The following BTNL8 variants were observed in gnomAD, a reference collection of about 807,000 sequenced individuals.
BTNL8 encodes the protein butyrophilin like 8, also known as butyrophilin-like protein 8.
BTNL8 carries 22 observed loss-of-function variants against 36.1 expected under a neutral mutation model. The ratio of observed to expected loss-of-function variants is 0.61; its 90% CI spans 0.44 to 0.87. The LOEUF (loss-of-function observed/expected upper bound fraction) is 0.87, where lower values mean the gene tolerates loss of function less well. Ranked by LOEUF, BTNL8 falls within the 40% of genes least tolerant of loss-of-function variation. The pLI is 0.00. For missense variants in BTNL8, 526 were observed against 616.9 expected (o/e 0.85, Z 1.56); for synonymous variants, 203 against 235.6 (o/e 0.86, Z 1.27).
At chr5:180,940,274 G>A (rs532338620) in intron 3 of BTNL8, among the ~76,000 whole-genome samples, 13 of 152,036 alleles carry the variant, frequency 8.6e-5, no homozygotes, top group African/African-American at 3.1e-4. Flanking sequence ...GGGAGGCAGA[G>A]GTTGCAGTGA....
intron 3 of BTNL8, among the ~76,000 whole-genome samples, chr5:180,920,326 CAAG>C (rs1757806087): frequency 6.6e-6 from 1 of 151,906 alleles, no homozygotes; most frequent in East Asian, 1.9e-4. Flanking sequence ...GTAAGATTAC[CAAG>C]AATACAAAAT....
chr5:180,917,755 G>T (rs1230215834), intron 3 of BTNL8, among the ~76,000 whole-genome samples: 2 of 151,938 alleles, frequency 1.3e-5, no homozygotes, highest in African/African-American at 2.4e-5. Context: ...TTAGCTGGGC[G>T]TGGTGGCGGG....
At chr5:180,923,406 A>T (rs1436180263) in intron 3 of BTNL8, among the ~76,000 whole-genome samples, 1 of 152,156 alleles carries the variant, frequency 6.6e-6, no homozygotes, top group Non-Finnish European at 1.5e-5. Flanking sequence ...TTCTCTATAG[A>T]TGTTAATAAA....
rs536713568 is a variant in BTNL8, at chr5:180,931,261, G to A, written c.674-16251G>A. ...TTGGGAAAACTGGCTAGCCATACGT[G>A]GAAAACTGAAACTGGACTCCTTCCT... On this transcript the variant is annotated intron_variant, in intron 3 of 7. Transcript: ENST00000340184. 2.2e-4 allele frequency among the ~76,000 whole-genome samples: 34 copies of A among 152,036 alleles called. No homozygotes were observed. The East Asian group carries it at 3.7e-3, about 16-fold the overall frequency.
chr5:180,920,854 C>CT (rs1203535579), intron 3 of BTNL8, among the ~76,000 whole-genome samples: 1 of 151,934 alleles, frequency 6.6e-6, no homozygotes, highest in Non-Finnish European at 1.5e-5. Context: ...CTCACTATCA[C>CT]TAACCATCAG....
rs1756863428 is a variant in BTNL8 at position 180,902,443 on chromosome 5, G to T, written c.49+3084G>T. 2.6e-6 allele frequency: 4 copies of T among 1,527,636 alleles called. No individual in the cohort carries two copies. The South Asian group carries it at 3.6e-5, about 14-fold the overall frequency. 94.6% of individuals were successfully genotyped at this position (1,527,636 alleles called of 1,614,324 possible). A position where few individuals can be genotyped will look rare whatever the true frequency, so the allele number is the denominator to read the frequency against. On this transcript the variant is annotated intron_variant, in intron 1 of 7. Transcript: ENST00000340184. ...AGTCACTGGCTTTAGAAATAGGATT[G>T]TGATGAATGTTTCCCCCTGATGCAC...
At chr5:180,941,914 T>TTTTTTTTTTTTTTTTTTTTTTTGAGACGG (rs1281454934) in intron 3 of BTNL8, among the ~76,000 whole-genome samples, 33 of 150,854 alleles carry the variant, frequency 2.2e-4, no homozygotes, top group African/African-American at 3.4e-4. Context: ...TTACTACTCT[T>TTTTTTTTTTTTTTTTTTTTTTTGAGACGG]ATTCAACAAA....
chr5:180,912,643 C>A (rs527866668), intron 3 of BTNL8, among the ~76,000 whole-genome samples: 25 of 152,228 alleles, frequency 1.6e-4, no homozygotes, highest in Non-Finnish European at 3.7e-4. Flanking sequence ...GTGGGAGGAT[C>A]ACTTGAGCCT....
intron 3 of BTNL8, among the ~76,000 whole-genome samples, chr5:180,918,777 G>A (rs1305955160): frequency 1.3e-5 from 2 of 152,204 alleles, no homozygotes; most frequent in South Asian, 2.1e-4. Flanking sequence ...GGGCTTCCAA[G>A]TAATAGGTAG....
Position 180,917,478 on chromosome 5 carries a change from C to G in BTNL8, c.673+5864C>G, listed in dbSNP as rs550176464. 9.3e-5 allele frequency among the ~76,000 whole-genome samples: 14 copies of G among 149,786 alleles called. No individual in the cohort carries two copies. In the East Asian group the frequency reaches 2.8e-3, roughly 30 times the overall value. On this transcript the variant is annotated intron_variant, in intron 3 of 7. Coordinates refer to ENST00000340184, the MANE Select transcript of BTNL8 (RefSeq NM_001040462.3). Reference sequence around the variant, plus strand: ...AATCATAGGCCAACAAACTGGATAACCTAGCAGAAACCAAAGACAAGGTTA... The same window carrying G: ...AATCATAGGCCAACAAACTGGATAAGCTAGCAGAAACCAAAGACAAGGTTA...
In BTNL8 at chr5:180,922,125, T is replaced by G. The variant is rs182093936; in HGVS notation, c.673+10511T>G. 2.8e-3 allele frequency among the ~76,000 whole-genome samples: 422 copies of G among 152,102 alleles called. 1 individual carries two copies. The highest frequency in any genetic ancestry group is 4.3e-3 in the Non-Finnish European group (294 of 67,948). On this transcript the variant is annotated intron_variant, in intron 3 of 7. Coordinates refer to ENST00000340184, the MANE Select transcript of BTNL8 (RefSeq NM_001040462.3). ...CTAGCTAGTGGTCTATATATTTTATTAATTTTTTTCAAAATCCAACTCTGG... is the reference window on the plus strand; with the variant it reads ...CTAGCTAGTGGTCTATATATTTTATGAATTTTTTTCAAAATCCAACTCTGG...
At chr5:180,916,927 A>C (rs1757654174) in intron 3 of BTNL8, among the ~76,000 whole-genome samples, 1 of 152,274 alleles carries the variant, frequency 6.6e-6, no homozygotes, top group Non-Finnish European at 1.5e-5. Flanking sequence ...TGAAATCATG[A>C]AAAGTGAAAC....
chr5:180,949,472 G>C lies in BTNL8; in HGVS notation c.862+207G>C. On this transcript the variant is annotated intron_variant, in intron 7 of 7. Transcript: ENST00000340184. ...TGGTCTAGAAGGGGAGAAGACAGGGGCTGGGTAAACGGGAGACGGGGGGGT... is the reference window on the plus strand; with the variant it reads ...TGGTCTAGAAGGGGAGAAGACAGGGCCTGGGTAAACGGGAGACGGGGGGGT... The C allele has an allele frequency of 2.4e-6, 2 of 832,324 alleles. 1 individual carries two copies. The allele number at this position is 832,324 out of a possible 1,614,324, so 51.6% of individuals were successfully genotyped here.
chr5:180,916,600 G>A (rs141210651), intron 3 of BTNL8, among the ~76,000 whole-genome samples: 132 of 152,164 alleles, frequency 8.7e-4, no homozygotes, highest in Middle Eastern at 3.4e-3. Context: ...AAAAAGAGCT[G>A]ACTCAAATAA....
In BTNL8 at chr5:180,947,634, G is replaced by A; in HGVS notation, c.787+9G>A. 1 of 1,614,204 alleles carries A rather than the reference G, an allele frequency of 6.2e-7. No homozygotes were observed. The highest frequency in any genetic ancestry group is 8.5e-7 in the Non-Finnish European group (1 of 1,180,036). ...CTTCTCCAAATTCCAGTGTAAGCGA[G>A]AGAGAGAAGCATGGGCCGGTGCCTT... On this transcript the variant is annotated intron_variant, in intron 4 of 7. Coordinates refer to ENST00000340184, the MANE Select transcript of BTNL8 (RefSeq NM_001040462.3).
Position 180,935,492 on chromosome 5 carries a change from C to G in BTNL8, c.674-12020C>G, listed in dbSNP as rs1435753464. Among the ~76,000 whole-genome samples, 3 of 152,224 alleles carry G rather than the reference C, an allele frequency of 2.0e-5. No individual in the cohort carries two copies. Among genetic ancestry groups the G allele is most frequent in the Admixed American group, 6.5e-5 (1 of 15,288 alleles). The stretch of plus-strand genomic sequence containing the variant: ...CACATGCATACCTGGCTGGGCACAA[C>G]AGTGCCCGGACTCGGCTACAACTTT... On this transcript the variant is annotated intron_variant, in intron 3 of 7. Coordinates refer to ENST00000340184, the MANE Select transcript of BTNL8 (RefSeq NM_001040462.3). The surrounding 1 kb of genome is among the most constrained non-coding windows in gnomAD (Gnocchi z 4.8).
At chr5:180,944,770 T>C (rs1759158697) in intron 3 of BTNL8, among the ~76,000 whole-genome samples, 1 of 152,176 alleles carries the variant, frequency 6.6e-6, no homozygotes, top group Non-Finnish European at 1.5e-5. Flanking sequence ...TTGTACCCTG[T>C]AAATATGAAC....
At chr5:180,940,964 G>C (rs778322650) in intron 3 of BTNL8, among the ~76,000 whole-genome samples, 19 of 152,032 alleles carry the variant, frequency 1.2e-4, no homozygotes, top group Non-Finnish European at 2.1e-4. Flanking sequence ...TTGGTGGCAT[G>C]CACCTGTAGC....
chr5:180,930,339 C>T (rs1177805869), intron 3 of BTNL8, among the ~76,000 whole-genome samples: 1 of 152,104 alleles, frequency 6.6e-6, no homozygotes, highest in Non-Finnish European at 1.5e-5. Flanking sequence ...TATGACAAAC[C>T]CACAGCCAAT....
Sources: allele counts gnomAD v4.1 joint callset (sites outside exome capture counted in the v4.1 genomes callset), GRCh38; gene constraint gnomAD v4.1.1; non-coding constraint Gnocchi (gnomAD v3.1); transcripts MANE v1.5; gene names NCBI Gene and HGNC (gene_info 2026-07-23, HGNC 2026-07-21).